Variants in VGLL4 observed in about 807,000 individuals in gnomAD.
VGLL4 encodes the protein transcription cofactor vestigial-like protein 4.
In VGLL4, 7 loss-of-function variants were observed where a neutral mutation model predicts 21.0. The ratio of observed to expected loss-of-function variants is 0.33; its 90% confidence interval spans 0.19 to 0.63. The LOEUF is 0.63. Among genes scored for constraint, VGLL4 ranks in the 20% least tolerant of loss-of-function variants. The probability of loss-of-function intolerance (pLI) is 0.78; values close to 1 mark genes in which losing one functional copy is unlikely to be tolerated. For missense variants in VGLL4, 394 were observed against 425.7 expected (o/e 0.93, Z 0.66); for synonymous variants, 222 against 173.2 (o/e 1.28, Z -2.21).
intron 2 of VGLL4, among the ~76,000 whole-genome samples, chr3:11,694,567 A>T (rs2076577781): frequency 6.6e-6 from 1 of 152,110 alleles, no homozygotes; most frequent in African/African-American, 2.4e-5. Context: ...GGTTGCAGTA[A>T]GCCAAGATTG....
chr3:11,616,133 T>C (rs1355647319), intron 1 of VGLL4, among the ~76,000 whole-genome samples: 1 of 151,984 alleles, frequency 6.6e-6, no homozygotes, highest in Non-Finnish European at 1.5e-5. Flanking sequence ...CCATCTCTCT[T>C]TCTCTTCCCT....
In VGLL4 at chr3:11,586,495, A is replaced by G. The variant is rs552721405; in HGVS notation, c.272+15338T>C. Among the ~76,000 whole-genome samples, 6 of 152,338 alleles carry G rather than the reference A, an allele frequency of 3.9e-5. No homozygotes were observed. In the South Asian group the frequency reaches 1.2e-3, roughly 32 times the overall value. On this transcript the variant is annotated intron_variant, in intron 2 of 4. Coordinates refer to ENST00000430365, the MANE Select transcript of VGLL4 (RefSeq NM_001128219.3). ...CATCCACAGATTCAACCGATCATGGATGGAAAATGGAGTCAGGCCTCTGAT... is the reference window on the plus strand; with the variant it reads ...CATCCACAGATTCAACCGATCATGGGTGGAAAATGGAGTCAGGCCTCTGAT...
chr3:11,683,780 GA>G (rs758282902), intron 2 of VGLL4, among the ~76,000 whole-genome samples: 4 of 145,312 alleles, frequency 2.8e-5, no homozygotes, highest in Admixed American at 6.9e-5. Context: ...GGTGACAGAG[GA>G]AAAAAAAAAC....
At chr3:11,577,765 T>G (rs1559874461) in intron 2 of VGLL4, among the ~76,000 whole-genome samples, 2 of 152,178 alleles carry the variant, frequency 1.3e-5, no homozygotes, top group African/African-American at 4.8e-5. Flanking sequence ...TTCCTAAAGG[T>G]TCTCCCTCCT....
intron 2 of VGLL4, among the ~76,000 whole-genome samples, chr3:11,667,758 T>C (rs1373919045): frequency 6.6e-6 from 1 of 152,142 alleles, no homozygotes; most frequent in Non-Finnish European, 1.5e-5. Context: ...TTACATTTTC[T>C]TTGTTCTACA....
intron 2 of VGLL4, among the ~76,000 whole-genome samples, chr3:11,595,548 G>A (rs1297366299): frequency 6.6e-6 from 1 of 151,958 alleles, no homozygotes. Context: ...TATGTTTATT[G>A]CAGCACTATT....
At chr3:11,692,559 T>C (rs1459303373) in intron 2 of VGLL4, among the ~76,000 whole-genome samples, 1 of 152,144 alleles carries the variant, frequency 6.6e-6, no homozygotes, top group Non-Finnish European at 1.5e-5. Context: ...AATGGGAGCT[T>C]AGGAACATGG....
chr3:11,602,101 G>C, intron 1 of VGLL4, 79 bp from the exon 2 acceptor site: 2 of 1,347,848 alleles, frequency 1.5e-6, no homozygotes, highest in South Asian at 3.5e-5. Flanking sequence ...CGCCCGCCCA[G>C]CCAGCCCCTT....
intron 2 of VGLL4, among the ~76,000 whole-genome samples, chr3:11,590,663 AGTGTGTGTGTGTGTGT>A (rs10592668): frequency 4.7e-4 from 70 of 147,380 alleles, no homozygotes; most frequent in African/African-American, 1.5e-3. Flanking sequence ...CAAAATGAAG[AGTGTGTGTGTGTGTGT>A]GTGTGTGTGT....
chr3:11,634,199 A>G (rs1304205176), intron 1 of VGLL4, among the ~76,000 whole-genome samples: 1 of 152,152 alleles, frequency 6.6e-6, no homozygotes, highest in Non-Finnish European at 1.5e-5. Flanking sequence ...AGCCGAAGCT[A>G]AGCCTATGAG....
intron 2 of VGLL4, among the ~76,000 whole-genome samples, chr3:11,674,621 C>G (rs2076264488): frequency 6.6e-6 from 1 of 152,098 alleles, no homozygotes; most frequent in Non-Finnish European, 1.5e-5. Flanking sequence ...CACACGTGTC[C>G]ACTGCAGGAT....
chr3:11,595,874 C>T (rs1389668184), intron 2 of VGLL4, among the ~76,000 whole-genome samples: 2 of 150,308 alleles, frequency 1.3e-5, no homozygotes, highest in East Asian at 1.9e-4. Context: ...AGGAGATATA[C>T]CTAATGCTAA....
chr3:11,699,078 C>A (rs568499862), intron 2 of VGLL4, among the ~76,000 whole-genome samples: 7 of 152,240 alleles, frequency 4.6e-5, no homozygotes, highest in African/African-American at 1.7e-4. Flanking sequence ...TTGAGGAGAA[C>A]GTTAACCTCC....
chr3:11,601,965 A>C lies in VGLL4; in HGVS notation c.140T>G (p.Leu47Arg). 4 of 1,608,448 alleles carry C rather than the reference A, an allele frequency of 2.5e-6. No homozygotes were observed. Among genetic ancestry groups the C allele is most frequent in the Non-Finnish European group, 3.4e-6 (4 of 1,178,158 alleles). The change falls in exon 2 of 5, where the codon CTC (leucine) becomes CGC (arginine). Residue 47 changes from leucine (L) to arginine (R), a missense_variant. Physicochemically the swap from Leu to Arg is moderately radical, Grantham distance 102 (BLOSUM62 -2). Coordinates refer to ENST00000430365, the MANE Select transcript of VGLL4 (RefSeq NM_001128219.3). The part of the protein sequence containing the change: ...RIQTLPVASA[L>R]SSHRTGPPPI... ...GGGAGGGCCGGTGCGGTGACTGCTG[A>C]GGGCAGAGGCCACCGGCAGGGTCTG...
chr3:11,586,552 A>G (rs1473006136), intron 2 of VGLL4, among the ~76,000 whole-genome samples: 1 of 152,248 alleles, frequency 6.6e-6, no homozygotes, highest in African/African-American at 2.4e-5. Context: ...TAGGAATAAT[A>G]ATTCCCTAAA....
chr3:11,619,895 T>A (rs905175562), intron 1 of VGLL4, among the ~76,000 whole-genome samples: 7 of 152,286 alleles, frequency 4.6e-5, no homozygotes, highest in Non-Finnish European at 1.0e-4. Context: ...TAAGACTCCC[T>A]AGAATGACTT....
chr3:11,559,090 G>A (rs1370071150), intron 4 of VGLL4, among the ~76,000 whole-genome samples: 2 of 152,262 alleles, frequency 1.3e-5, no homozygotes, highest in African/African-American at 2.4e-5. Context: ...AACAGTAGCC[G>A]CTGCCCTCCC....
chr3:11,603,544 C>CCACAAAGAGAGAAGAGG (rs2074857334), intron 1 of VGLL4, among the ~76,000 whole-genome samples: 1 of 152,220 alleles, frequency 6.6e-6, no homozygotes, highest in Admixed American at 6.5e-5. Context: ...ACTTCCTCCT[C>CCACAAAGAGAGAAGAGG]CACAAAGAGA....
In VGLL4 at chr3:11,556,246, A is replaced by G. The variant is rs2125082433; in HGVS notation, c.*2310T>C. 6.5e-6 allele frequency: 1 copy of G among 152,776 alleles called. No homozygotes were observed. The highest frequency in any genetic ancestry group is 1.9e-4 in the East Asian group (1 of 5,304). 9.5% of individuals were successfully genotyped at this position (152,776 alleles called of 1,614,324 possible). ...CACTGCAGGCAGCGCGGCTCTGGGAAGAACTTCACGGAGCCCCTTCTTAGA... is the reference window on the plus strand; with the variant it reads ...CACTGCAGGCAGCGCGGCTCTGGGAGGAACTTCACGGAGCCCCTTCTTAGA... On this transcript the variant is annotated 3_prime_UTR_variant, in exon 5 of 5. Coordinates refer to ENST00000430365, the MANE Select transcript of VGLL4 (RefSeq NM_001128219.3).
Sources: gnomAD v4.1 joint callset for allele counts (sites outside exome capture counted in the v4.1 genomes callset) on GRCh38, gnomAD v4.1.1 for gene constraint, MANE v1.5 for transcripts, NCBI Gene and HGNC (gene_info 2026-07-23, HGNC 2026-07-21) for gene names.